The following DISP3 variants were observed in gnomAD, a reference collection of about 807,000 sequenced individuals.
The protein encoded by DISP3 is dispatched RND transporter family member 3.
DISP3 carries 101 observed loss-of-function variants against 135.3 expected under a neutral mutation model. The ratio of observed to expected loss-of-function variants is 0.75; its 90% CI spans 0.64 to 0.88. The LOEUF (loss-of-function observed/expected upper bound fraction) is 0.88. Ranked by LOEUF, DISP3 falls within the 40% of genes least tolerant of loss-of-function variation. The pLI is 0.00. For missense variants in DISP3, 1,713 were observed against 1,878.6 expected, an observed-to-expected ratio of 0.91 and a Z score of 1.63; for synonymous variants, 856 against 817.0, an observed-to-expected ratio of 1.05 and a Z score of -0.81.
intron 3 of DISP3, among the ~76,000 whole-genome samples, chr1:11,506,501 G>A (rs1259416329): frequency 6.6e-6 from 1 of 151,192 alleles, no homozygotes; most frequent in Non-Finnish European, 1.5e-5. Context: ...TCTATTTGTT[G>A]TCTCTAATCT....
intron 1 of DISP3, among the ~76,000 whole-genome samples, chr1:11,486,156 C>T (rs1324500273): frequency 6.6e-6 from 1 of 152,218 alleles, no homozygotes. Flanking sequence ...GGCTTTCATC[C>T]AGATGTTTCC....
intron 3 of DISP3, among the ~76,000 whole-genome samples, chr1:11,513,077 A>G (rs967805208): frequency 2.6e-5 from 4 of 151,996 alleles, no homozygotes; most frequent in African/African-American, 9.7e-5. Flanking sequence ...AGTCAAGTTG[A>G]GATTTGGGTG....
chr1:11,494,199 C>T (rs896550940), intron 1 of DISP3, among the ~76,000 whole-genome samples: 8 of 152,238 alleles, frequency 5.3e-5, no homozygotes, highest in Non-Finnish European at 1.0e-4. Context: ...AGTGAATGCT[C>T]ATAATGCCTT....
intron 17 of DISP3, chr1:11,533,563 T>C: frequency 3.7e-6 from 2 of 544,338 alleles, no homozygotes; most frequent in Non-Finnish European, 6.6e-6. Context: ...AGCCGGTGAC[T>C]GGCTCATTTT....
chr1:11,513,556 T>C (rs1641917844), intron 3 of DISP3, among the ~76,000 whole-genome samples: 1 of 151,690 alleles, frequency 6.6e-6, no homozygotes. Flanking sequence ...TTTTTAAGAT[T>C]TTCTTTTGGT....
At position 11,529,479 on chromosome 1, in the gene DISP3, C is replaced by A; in HGVS notation, c.2799-77C>A. 6.7e-7 allele frequency: 1 copy of A among 1,484,110 alleles called. No homozygotes were observed. The highest frequency in any genetic ancestry group is 1.3e-5 in the South Asian group (1 of 74,850). 91.9% of individuals were successfully genotyped at this position (1,484,110 alleles called of 1,614,324 possible). A position where few individuals can be genotyped will look rare whatever the true frequency, so the allele number is the denominator to read the frequency against. Reference sequence around the variant, plus strand: ...CATGACACCCCAGCCCCAGTCCCAACCCTGGCCTGCTGGCCTCACCTCCCC... The same window carrying A: ...CATGACACCCCAGCCCCAGTCCCAAACCTGGCCTGCTGGCCTCACCTCCCC... On this transcript the variant is annotated intron_variant, in intron 13 of 20. Coordinates refer to ENST00000294484, the MANE Select transcript of DISP3 (RefSeq NM_020780.2). This position sits in a 1 kb window ranked among gnomAD's most constrained non-coding sequence, Gnocchi z 4.7.
chr1:11,533,088 A>C (rs1449695822), intron 17 of DISP3, among the ~76,000 whole-genome samples: 1 of 151,598 alleles, frequency 6.6e-6, no homozygotes, highest in African/African-American at 2.4e-5. Context: ...TACTTGCAGA[A>C]CTTTGTCTTT....
rs541484373 is a variant in DISP3 at position 11,523,605 on chromosome 1, C to G, written c.2363-337C>G. ...TGGCACAGAGATGGCAAGCAGGGGGCAGAGTGGCACAGAGACGGCGAGCAG... is the reference window on the plus strand; with the variant it reads ...TGGCACAGAGATGGCAAGCAGGGGGGAGAGTGGCACAGAGACGGCGAGCAG... On this transcript the variant is annotated intron_variant, in intron 10 of 20. Coordinates refer to ENST00000294484, the MANE Select transcript of DISP3 (RefSeq NM_020780.2). 5.2e-5 allele frequency among the ~76,000 whole-genome samples: 6 copies of G among 115,900 alleles called. No individual in the cohort carries two copies. In the East Asian group the frequency reaches 7.7e-4, roughly 15 times the overall value. 76.0% of individuals were successfully genotyped at this position (115,900 alleles called of 152,430 possible). A position where few individuals can be genotyped will look rare whatever the true frequency, so the allele number is the denominator to read the frequency against.
intron 1 of DISP3, among the ~76,000 whole-genome samples, chr1:11,490,568 C>T (rs1361147968): frequency 6.6e-6 from 1 of 152,190 alleles, no homozygotes; most frequent in African/African-American, 2.4e-5. Flanking sequence ...CGTGACCGGC[C>T]ATGTTGGTGA....
rs370568395 is a variant in DISP3, at chr1:11,523,928, G to A, written c.2363-14G>A. On this transcript the variant is annotated splice_polypyrimidine_tract_variant and intron_variant, in intron 10 of 20. Transcript: ENST00000294484. ...CTGCTGTCCTGCTGTCCTTGACATG[G>A]CGCTGGGGGGCAGGTCTGTTCCAGG... The A allele has an allele frequency of 2.7e-5, 43 of 1,603,574 alleles. No homozygotes were observed. In the African/African-American group the frequency reaches 5.4e-4, roughly 20 times the overall value.
intron 1 of DISP3, among the ~76,000 whole-genome samples, chr1:11,480,049 C>G (rs1640852014): frequency 6.6e-6 from 1 of 152,182 alleles, no homozygotes; most frequent in African/African-American, 2.4e-5. Context: ...GGAAAGATTC[C>G]CAGCGCAAGG....
intron 1 of DISP3, among the ~76,000 whole-genome samples, chr1:11,496,836 G>A (rs1641347744): frequency 6.6e-6 from 1 of 152,204 alleles, no homozygotes. Flanking sequence ...ACAGCTGGAA[G>A]GACCTGGGCT....
Position 11,501,533 on chromosome 1 carries a change from G to C in DISP3, c.541G>C (p.Gly181Arg). 1.9e-6 allele frequency: 3 copies of C among 1,599,154 alleles called. No individual in the cohort carries two copies. Among genetic ancestry groups the C allele is most frequent in the East Asian group, 2.2e-5 (1 of 44,678 alleles). Reference sequence around the variant, plus strand: ...CCGCGTCATCCCCGCGGCCTCACTCGGTGGCCCAGGCCCTTACCGGGACAC... The same window carrying C: ...CCGCGTCATCCCCGCGGCCTCACTCCGTGGCCCAGGCCCTTACCGGGACAC... The part of the protein sequence containing the change: ...APRVIPAASL[G>R]GPGPYRDTSA... The change falls in exon 2 of 21, where the codon GGT becomes CGT. Residue 181 changes from glycine (G) to arginine (R), a missense_variant. Transcript: ENST00000294484. The surrounding 1 kb of genome is among the most constrained non-coding windows in gnomAD (Gnocchi z 4.9).
chr1:11,530,080 T>A, intron 15 of DISP3, 121 bp downstream of exon 15: 1 of 1,366,500 alleles, frequency 7.3e-7, no homozygotes, highest in Non-Finnish European at 9.9e-7. Context: ...CAATGGCTCC[T>A]CTAACCCAGA....
At chr1:11,486,890 G>A (rs1299586489) in intron 1 of DISP3, among the ~76,000 whole-genome samples, 1 of 152,108 alleles carries the variant, frequency 6.6e-6, no homozygotes, top group Non-Finnish European at 1.5e-5. Flanking sequence ...TGTTGCCCAG[G>A]CTGGTCTTGA....
chr1:11,522,584 G>GCC (rs1642236103), intron 10 of DISP3, among the ~76,000 whole-genome samples: 1 of 106,722 alleles, frequency 9.4e-6, no homozygotes, highest in Middle Eastern at 5.2e-3. Flanking sequence ...ACCCAGCCAA[G>GCC]ACCCAGCCAG....
intron 1 of DISP3, among the ~76,000 whole-genome samples, chr1:11,490,959 C>T (rs1274815059): frequency 1.3e-5 from 2 of 152,204 alleles, no homozygotes; most frequent in Non-Finnish European, 2.9e-5. Flanking sequence ...CCTTGGACTT[C>T]TAGTTCCTTT....
intron 1 of DISP3, among the ~76,000 whole-genome samples, chr1:11,492,362 G>T (rs1363383345): frequency 1.1e-4 from 17 of 152,232 alleles, no homozygotes. Context: ...GTGATATATT[G>T]ACCCAGGCAA....
chr1:11,537,253 G>A lies in DISP3; in HGVS notation c.*567G>A, dbSNP rs543042044. The A allele has an allele frequency of 3.3e-5, 5 of 150,270 alleles. No individual in the cohort carries two copies. The highest frequency in any genetic ancestry group is 1.3e-4 in the Admixed American group (2 of 15,156). The allele number at this position is 150,270 out of a possible 1,614,324, so 9.3% of individuals were successfully genotyped here. ...CAACCCTCCCCTTCAGCTTTACGGC[G>A]GCCAGTGCTGAATGGCCCTGTGGCC... On this transcript the variant is annotated 3_prime_UTR_variant, in exon 21 of 21. Transcript: ENST00000294484.
Sources: allele counts gnomAD v4.1 joint callset (sites outside exome capture counted in the v4.1 genomes callset), GRCh38; gene constraint gnomAD v4.1.1; non-coding constraint Gnocchi (gnomAD v3.1); transcripts MANE v1.5; gene names NCBI Gene and HGNC (gene_info 2026-07-23, HGNC 2026-07-21).